The following PCDH15 variants were observed in gnomAD, a reference collection of about 807,000 sequenced individuals.
PCDH15 encodes the protein protocadherin related 15.
A neutral mutation model predicts 178.5 loss-of-function variants in PCDH15; 129 were observed. The observed-to-expected ratio is 0.72, with a 90% CI of 0.63 to 0.84. The LOEUF (loss-of-function observed/expected upper bound fraction) is 0.84, where lower values mean the gene tolerates loss of function less well. Among genes scored for constraint, PCDH15 ranks in the 40% least tolerant of loss-of-function variants. The pLI is 0.00. For missense variants in PCDH15, 2,230 were observed against 2,099.9 expected, an observed-to-expected ratio of 1.06 and a Z score of -1.21; for synonymous variants, 800 against 732.0, an observed-to-expected ratio of 1.09 and a Z score of -1.50.
At chr10:54,376,009 C>T (rs1477253751) in intron 4 of PCDH15, among the ~76,000 whole-genome samples, 1 of 151,468 alleles carries the variant, frequency 6.6e-6, no homozygotes, top group African/African-American at 2.4e-5. Context: ...ATTCTTCTGC[C>T]TCAGCCTCTA....
At position 54,183,476 on chromosome 10, in the gene PCDH15, T is replaced by C. The variant is rs1327701323; in HGVS notation, c.1558A>G (p.Thr520Ala). ...PEISYDVYVY[T>A]DMRPGDSVIQ... ...ACACTGTCCCCAGGTCTCATGTCTG[T>C]ATAAACATACACATCATAGGATATT... is the stretch of plus-strand genomic sequence containing the variant. Residue 520 changes from threonine (T) to alanine (A), a missense_variant, in exon 13 of 38, where the codon ACA (threonine) becomes GCA (alanine). Thr to Ala is a moderately conservative substitution (Grantham distance 58). Coordinates refer to ENST00000644397, the MANE Select transcript of PCDH15 (RefSeq NM_001384140.1). 3 of 1,613,498 alleles carry C rather than the reference T, an allele frequency of 1.9e-6. No homozygotes were observed. Among genetic ancestry groups the C allele is most frequent in the African/African-American group, 1.3e-5 (1 of 74,922 alleles).
chr10:55,378,883 C>CTCTCTCTCTCTA (rs1245483612), intron 2 of PCDH15, among the ~76,000 whole-genome samples: 8 of 149,258 alleles, frequency 5.4e-5, no homozygotes, highest in Non-Finnish European at 8.9e-5. Context: ...CCCCATCTCT[C>CTCTCTCTCTCTA]TCTCTCTCTC....
chr10:55,027,919 A>C (rs1328562390), intron 2 of PCDH15, among the ~76,000 whole-genome samples: 2 of 151,782 alleles, frequency 1.3e-5, no homozygotes, highest in Non-Finnish European at 3.0e-5. Flanking sequence ...TCTTGTGTTA[A>C]GTATTGGGGA....
intron 3 of PCDH15, among the ~76,000 whole-genome samples, chr10:54,462,471 TC>T (rs1163000145): frequency 7.8e-6 from 1 of 128,978 alleles, no homozygotes; most frequent in African/African-American, 3.0e-5. Flanking sequence ...GTTAATCCTT[TC>T]TTTCTTTCTT....
At chr10:54,753,719 G>C (rs1451020777) in intron 1 of PCDH15, among the ~76,000 whole-genome samples, 1 of 152,076 alleles carries the variant, frequency 6.6e-6, no homozygotes, top group Non-Finnish European at 1.5e-5. Flanking sequence ...ATATACACTA[G>C]AGCAAGAAGA....
At chr10:55,182,286 C>T (rs1839671126) in intron 1 of PCDH15, among the ~76,000 whole-genome samples, 1 of 151,880 alleles carries the variant, frequency 6.6e-6, no homozygotes, top group Admixed American at 6.6e-5. Flanking sequence ...TTACACCTGA[C>T]TTCAAAGTAT....
intron 18 of PCDH15, among the ~76,000 whole-genome samples, chr10:54,057,618 T>C (rs1377999104): frequency 1.3e-5 from 2 of 152,140 alleles, no homozygotes; most frequent in African/African-American, 4.8e-5. Flanking sequence ...GGGCCTGTGA[T>C]TGGAGGGCCT....
chr10:54,994,739 A>G (rs1839593302), intron 2 of PCDH15, among the ~76,000 whole-genome samples: 1 of 152,116 alleles, frequency 6.6e-6, no homozygotes, highest in Non-Finnish European at 1.5e-5. Context: ...TACAATAGCC[A>G]TTTACTTGGG....
intron 3 of PCDH15, among the ~76,000 whole-genome samples, chr10:54,469,651 CAGCAGGTCTATGTA>C (rs1485419261): frequency 2.0e-5 from 3 of 152,128 alleles, no homozygotes; most frequent in African/African-American, 4.8e-5. Context: ...GCACTGGTGT[CAGCAGGTCTATGTA>C]AGCAGGTCTA....
At chr10:54,568,339 C>G (rs1447297313) in intron 2 of PCDH15, among the ~76,000 whole-genome samples, 1 of 151,946 alleles carries the variant, frequency 6.6e-6, no homozygotes, top group Non-Finnish European at 1.5e-5. Context: ...TCTAAAATAG[C>G]CCACCACGCA....
intron 2 of PCDH15, among the ~76,000 whole-genome samples, chr10:54,611,291 A>G (rs1165823229): frequency 6.6e-6 from 1 of 151,874 alleles, no homozygotes; most frequent in African/African-American, 2.4e-5. Context: ...ATTTTTTTAA[A>G]AAAAACCTCC....
intron 2 of PCDH15, among the ~76,000 whole-genome samples, chr10:54,564,336 G>A (rs894898074): frequency 6.6e-6 from 1 of 152,172 alleles, no homozygotes; most frequent in African/African-American, 2.4e-5. Context: ...AGAGGATTGA[G>A]AAGTATGGCT....
chr10:54,274,571 T>G (rs2058239094), intron 8 of PCDH15, among the ~76,000 whole-genome samples: 1 of 151,670 alleles, frequency 6.6e-6, no homozygotes, highest in Admixed American at 6.6e-5. Flanking sequence ...TGAAAATTTT[T>G]TGGTGGGTAT....
chr10:54,624,722 C>T (rs2134531076), intron 2 of PCDH15, among the ~76,000 whole-genome samples: 1 of 152,280 alleles, frequency 6.6e-6, no homozygotes, highest in East Asian at 1.9e-4. Context: ...ATTGCCTGAG[C>T]TCTACCTCCT....
intron 18 of PCDH15, among the ~76,000 whole-genome samples, chr10:54,035,531 T>C (rs1268230876): frequency 6.6e-6 from 1 of 151,944 alleles, no homozygotes; most frequent in African/African-American, 2.4e-5. Context: ...ATAAAGGTTC[T>C]ATGTATACAT....
chr10:54,381,424 T>G (rs1949226372), intron 3 of PCDH15, among the ~76,000 whole-genome samples: 1 of 152,156 alleles, frequency 6.6e-6, no homozygotes, highest in Admixed American at 6.6e-5. Flanking sequence ...CTGGGTGTAT[T>G]GGGATAATGT....
chr10:54,464,937 C>T (rs533489232), intron 3 of PCDH15, among the ~76,000 whole-genome samples: 1 of 152,216 alleles, frequency 6.6e-6, no homozygotes, highest in African/African-American at 2.4e-5. Context: ...GGTTATGATA[C>T]AAGGTTTACA....
rs1016785532 is a variant in PCDH15 at position 54,936,297 on chromosome 10, G to A, written c.-79-38797C>T. Among the ~76,000 whole-genome samples the A allele has an allele frequency of 1.7e-4, 26 of 151,886 alleles. 1 individual carries two copies. Among genetic ancestry groups the A allele is most frequent in the Admixed American group, 4.6e-4 (7 of 15,228 alleles). On this transcript the variant is annotated intron_variant, in intron 2 of 5. Transcript: ENST00000458638. Reference sequence around the variant, plus strand: ...CCATTCATTAGTTGATGAACATTTGGCTTCTTTCTACTTTTGACTATTATG... The same window carrying A: ...CCATTCATTAGTTGATGAACATTTGACTTCTTTCTACTTTTGACTATTATG...
chr10:55,154,951 T>C (rs2799577), intron 2 of PCDH15, among the ~76,000 whole-genome samples: 60,966 of 151,974 alleles, frequency 0.4, 12,925 homozygotes, highest in African/African-American at 0.54. Context: ...AAGAGTTTAA[T>C]TGAACTTGTT....
Sources: gnomAD v4.1 joint callset for allele counts (sites outside exome capture counted in the v4.1 genomes callset) on GRCh38, gnomAD v4.1.1 for gene constraint, MANE v1.5 for transcripts, NCBI Gene and HGNC (gene_info 2026-07-23, HGNC 2026-07-21) for gene names.